Variants in TGFBI observed in about 807,000 individuals in gnomAD.
TGFBI encodes the protein transforming growth factor-beta-induced protein ig-h3.
TGFBI carries 50 observed loss-of-function variants against 73.7 expected under a neutral mutation model. That is an observed-to-expected ratio of 0.68 (90% CI 0.54 to 0.86). The LOEUF is 0.86. Ranked by LOEUF, TGFBI falls within the 40% of genes least tolerant of loss-of-function variation. The pLI, the probability that TGFBI is intolerant of heterozygous loss-of-function variation, is 0.00. For synonymous variants in TGFBI, 362 were observed against 360.5 expected (o/e 1.00, Z -0.05); for missense variants, 839 against 877.0 (o/e 0.96, Z 0.55).
chr5:136,046,505 C>A lies in TGFBI; in HGVS notation c.459+10C>A. 2 of 1,596,196 alleles carry A rather than the reference C, an allele frequency of 1.3e-6. No homozygotes were observed. The highest frequency in any genetic ancestry group is 2.3e-5 in the East Asian group (1 of 44,110). The stretch of plus-strand genomic sequence containing the variant: ...GGCCTCCTTGCCAGCTGTGAGATGA[C>A]CTCCGTCTGCCCGGGGGACTCTTAT... On this transcript the variant is annotated intron_variant, in intron 4 of 16. Transcript: ENST00000442011.
rs78828946 is a variant in TGFBI at position 136,059,523 on chromosome 5, A to T, written c.1803+309A>T. Among the ~76,000 whole-genome samples, 373 of 152,214 alleles carry T rather than the reference A, an allele frequency of 2.5e-3. 2 individuals are homozygous for T. Among genetic ancestry groups the T allele is most frequent in the African/African-American group, 8.6e-3 (358 of 41,530 alleles). ...TGTAGGCAACTAGTTATGTGACTGA[A>T]GAGATCAGTCTGTACTCACACCATC... On this transcript the variant is annotated intron_variant, in intron 13 of 16. Coordinates refer to ENST00000442011, the MANE Select transcript of TGFBI (RefSeq NM_000358.3).
intron 13 of TGFBI, 128 bp downstream of exon 13, chr5:136,059,342 T>A: frequency 1.5e-6 from 2 of 1,353,726 alleles, no homozygotes; most frequent in Non-Finnish European, 2.0e-6. Context: ...TGAGTGTAAT[T>A]CGTCCAAAGA....
In TGFBI at chr5:136,056,720, G is replaced by A. The variant is rs1427169445; in HGVS notation, c.1603G>A (p.Gly535Arg). 1 of 1,613,928 alleles carries A rather than the reference G, an allele frequency of 6.2e-7. No homozygotes were observed. Among genetic ancestry groups the A allele is most frequent in the South Asian group, 1.1e-5 (1 of 91,056 alleles). The part of the protein sequence containing the change: ...AGLTETLNRE[G>R]VYTVFAPTNE... Reference sequence around the variant, plus strand: ...ACTGACGGAGACCCTCAACCGGGAAGGAGTCTACACAGTCTTTGCTCCCAC... The same window carrying A: ...ACTGACGGAGACCCTCAACCGGGAAAGAGTCTACACAGTCTTTGCTCCCAC... The change falls in exon 12 of 17, where the codon GGA (glycine) becomes AGA (arginine). Residue 535 changes from glycine to arginine, a missense_variant. Gly to Arg is a moderately radical substitution (Grantham distance 125). Transcript: ENST00000442011.
At chr5:136,049,228 A>G (rs111375983) in intron 6 of TGFBI, 35 of 554,956 alleles carry the variant, frequency 6.3e-5, no homozygotes, top group African/African-American at 4.3e-4. Context: ...GGTTAAGGAC[A>G]TGAAAGATGG....
chr5:136,029,282 G>A (rs1187173682), intron 1 of TGFBI, 93 bp downstream of exon 1: 9 of 1,319,734 alleles, frequency 6.8e-6, no homozygotes, highest in Middle Eastern at 2.7e-4. Context: ...GGCTGGGGGC[G>A]CAGGGGACAA....
chr5:136,055,407 G>A, intron 10 of TGFBI: 1 of 346,804 alleles, frequency 2.9e-6, no homozygotes, highest in Non-Finnish European at 5.2e-6. Context: ...TTTCAACATT[G>A]TCAATGGACC....
Position 136,054,090 on chromosome 5 carries a change from G to T in TGFBI, c.1264+10G>T, listed in dbSNP as rs761012840. ...AATTCTGTATTCAAAGGTAACATGG[G>T]GAAGGCATCCCTGTTAGATTGTCCC... is the stretch of plus-strand genomic sequence containing the variant. On this transcript the variant is annotated intron_variant, in intron 9 of 16. Coordinates refer to ENST00000442011, the MANE Select transcript of TGFBI (RefSeq NM_000358.3). 3.1e-6 allele frequency: 5 copies of T among 1,610,794 alleles called. No homozygotes were observed. Among genetic ancestry groups the T allele is most frequent in the Admixed American group, 3.3e-5 (2 of 59,940 alleles).
chr5:136,057,208 G>A (rs1410290024), intron 12 of TGFBI, among the ~76,000 whole-genome samples: 1 of 152,192 alleles, frequency 6.6e-6, no homozygotes, highest in Non-Finnish European at 1.5e-5. Context: ...GCCCACTGAT[G>A]CAGTTCATAG....
rs1382893670 is a variant in TGFBI, at chr5:136,056,733, T to A, written c.1616T>A (p.Val539Asp). The A allele has an allele frequency of 6.2e-7, 1 of 1,613,726 alleles. No individual in the cohort carries two copies. Among genetic ancestry groups the A allele is most frequent in the African/African-American group, 1.3e-5 (1 of 74,870 alleles). The change falls in exon 12 of 17, where the codon GTC becomes GAC. Residue 539 changes from valine to aspartate, a missense_variant. Val to Asp is a radical substitution (Grantham distance 152). Transcript: ENST00000442011. ...ETLNREGVYT[V>D]FAPTNEAFRA... is the part of the protein sequence containing the mutation. ...CTCAACCGGGAAGGAGTCTACACAGTCTTTGCTCCCACAAATGAAGCCTTC... is the reference window on the plus strand; with the variant it reads ...CTCAACCGGGAAGGAGTCTACACAGACTTTGCTCCCACAAATGAAGCCTTC...
intron 16 of TGFBI, 48 bp from the exon 17 acceptor site, chr5:136,063,138 C>A (rs1375888626): frequency 2.6e-6 from 4 of 1,567,560 alleles, no homozygotes; most frequent in Non-Finnish European, 3.5e-6. Context: ...CCTAGACAGA[C>A]ATGGGGAGAT....
At chr5:136,058,745 A>G (rs2126916520) in intron 12 of TGFBI, 1 of 179,192 alleles carries the variant, frequency 5.6e-6, no homozygotes, top group Middle Eastern at 2.3e-3. Flanking sequence ...CCAAGCAAAT[A>G]TTTATCTCAT....
chr5:136,059,953 T>C (rs897126249), intron 13 of TGFBI, among the ~76,000 whole-genome samples: 1 of 152,232 alleles, frequency 6.6e-6, no homozygotes, highest in Non-Finnish European at 1.5e-5. Context: ...TGGTTTCAGA[T>C]GCTGGGGTCC....
At chr5:136,033,720 G>T (rs367982782) in intron 1 of TGFBI, 43 bp from the exon 2 acceptor site, 61 of 1,552,670 alleles carry the variant, frequency 3.9e-5, no homozygotes, top group Non-Finnish European at 5.3e-5. Context: ...AAGTGGGGTG[G>T]ACGTGCTGAT....
At chr5:136,061,095 G>A (rs1385917818) in intron 14 of TGFBI, 159 bp downstream of exon 14, 10 of 631,532 alleles carry the variant, frequency 1.6e-5, no homozygotes, top group Middle Eastern at 3.6e-4. Flanking sequence ...ATTGGGAGCT[G>A]TTGGTTTTGA....
intron 2 of TGFBI, among the ~76,000 whole-genome samples, chr5:136,035,624 C>CAAA (rs1191524920): frequency 1.4e-5 from 1 of 71,846 alleles, no homozygotes; most frequent in African/African-American, 4.3e-5. Flanking sequence ...GACACCGTCT[C>CAAA]AAAAAAAAAA....
chr5:136,056,171 C>T (rs920663539), intron 11 of TGFBI, among the ~76,000 whole-genome samples: 2 of 152,216 alleles, frequency 1.3e-5, no homozygotes, highest in African/African-American at 2.4e-5. Flanking sequence ...TCACTCTCTG[C>T]GCAGTATCTG....
chr5:136,034,653 G>A (rs915041491), intron 2 of TGFBI, among the ~76,000 whole-genome samples: 1 of 152,086 alleles, frequency 6.6e-6, no homozygotes, highest in African/African-American at 2.4e-5. Flanking sequence ...GTTTCAGCAA[G>A]GAGGGAGGCA....
At chr5:136,058,773 T>A (rs1561615094) in intron 12 of TGFBI, 1 of 228,744 alleles carries the variant, frequency 4.4e-6, no homozygotes, top group African/African-American at 2.3e-5. Flanking sequence ...TGAGTCATAC[T>A]CACAGAGGAG....
chr5:136,029,066 T>A lies in TGFBI; in HGVS notation c.11T>A (p.Phe4Tyr), dbSNP rs1751057376. 6.5e-7 allele frequency: 1 copy of A among 1,527,622 alleles called. No individual in the cohort carries two copies. The highest frequency in any genetic ancestry group is 1.4e-5 in the African/African-American group (1 of 71,308). The allele number at this position is 1,527,622 out of a possible 1,614,324, so 94.6% of individuals were successfully genotyped here. The change falls in exon 1 of 17, where the codon TTC becomes TAC. Residue 4 changes from phenylalanine to tyrosine, a missense_variant. Physicochemically the swap from Phe to Tyr is conservative, Grantham distance 22. Coordinates refer to ENST00000442011, the MANE Select transcript of TGFBI (RefSeq NM_000358.3). ...GCGTCGTCCCGCTCCATGGCGCTCT[T>A]CGTGCGGCTGCTGGCTCTCGCCCTG... MALFVRLLALALAL... is the reference protein window; with the variant it reads MALYVRLLALALAL...
Sources: allele counts gnomAD v4.1 joint callset (sites outside exome capture counted in the v4.1 genomes callset), GRCh38; gene constraint gnomAD v4.1.1; transcripts MANE v1.5; gene names NCBI Gene and HGNC (gene_info 2026-07-23, HGNC 2026-07-21).